Variants in NFIL3 observed in about 807,000 individuals in gnomAD.
NFIL3 encodes nuclear factor, interleukin 3 regulated, also known as nuclear factor interleukin-3-regulated protein.
In NFIL3, 5 loss-of-function variants were observed where a neutral mutation model predicts 10.0. The observed-to-expected ratio is 0.50, with a 90% CI of 0.26 to 1.06. NFIL3 has a LOEUF of 1.06. Ranked by LOEUF, NFIL3 falls within the 50% of genes least tolerant of loss-of-function variation. NFIL3 has a pLI of 0.13. For missense variants in NFIL3, 436 were observed against 547.6 expected, an observed-to-expected ratio of 0.80 and a Z score of 2.03; for synonymous variants, 202 against 206.5, an observed-to-expected ratio of 0.98 and a Z score of 0.19.
At chr9:91,475,487 C>A in the NFIL3 span, among the ~76,000 whole-genome samples, 3 of 152,010 alleles carry the variant, frequency 2.0e-5, no homozygotes, top group South Asian at 2.1e-4. Context: ...AATATTATAA[C>A]CTACAAGATG....
chr9:91,434,354 G>A, the NFIL3 span, among the ~76,000 whole-genome samples: 3 of 152,016 alleles, frequency 2.0e-5, no homozygotes, highest in African/African-American at 7.3e-5. Context: ...AGATTGCATG[G>A]GAGTAGAAAA....
chr9:91,451,559 T>C, the NFIL3 span, among the ~76,000 whole-genome samples: 6 of 152,312 alleles, frequency 3.9e-5, no homozygotes, highest in East Asian at 1.2e-3. Flanking sequence ...ATGCCAAGAA[T>C]ACAAGATCCT....
At chr9:91,464,695 A>G in the NFIL3 span, among the ~76,000 whole-genome samples, 1 of 152,058 alleles carries the variant, frequency 6.6e-6, no homozygotes, top group Non-Finnish European at 1.5e-5. Context: ...GGCAGGGCCA[A>G]TTTGCTGGTG....
chr9:91,467,158 T>G, the NFIL3 span, among the ~76,000 whole-genome samples: 1 of 151,944 alleles, frequency 6.6e-6, no homozygotes, highest in Non-Finnish European at 1.5e-5. Flanking sequence ...CTCTCTGTCT[T>G]TATACACATA....
the NFIL3 span, among the ~76,000 whole-genome samples, chr9:91,441,106 A>G: frequency 6.6e-6 from 1 of 152,142 alleles, no homozygotes; most frequent in Admixed American, 6.5e-5. Context: ...TGAGGTATCA[A>G]AATGGTCTAC....
chr9:91,464,501 G>T, the NFIL3 span, among the ~76,000 whole-genome samples: 2 of 151,908 alleles, frequency 1.3e-5, no homozygotes, highest in Non-Finnish European at 2.9e-5. Flanking sequence ...TGCCATAATA[G>T]CCCCATACAA....
At position 91,409,314 on chromosome 9, in the gene NFIL3, T is replaced by C; in HGVS notation, c.*32A>G. ...GACTGCTCTATTGCAAATGACATCT[T>C]TCTAAATGCCCAGCTCTTACTCAGT... is the stretch of plus-strand genomic sequence containing the variant. On this transcript the variant is annotated 3_prime_UTR_variant, in exon 2 of 2. Coordinates refer to ENST00000297689, the MANE Select transcript of NFIL3 (RefSeq NM_005384.3). The C allele has an allele frequency of 6.6e-7, 1 of 1,522,910 alleles. No homozygotes were observed. The highest frequency in any genetic ancestry group is 8.8e-7 in the Non-Finnish European group (1 of 1,137,838). 94.3% of individuals were successfully genotyped at this position (1,522,910 alleles called of 1,614,324 possible). A position where few individuals can be genotyped will look rare whatever the true frequency, so the allele number is the denominator to read the frequency against.
chr9:91,415,588 C>G (rs535687587), intron 1 of NFIL3, among the ~76,000 whole-genome samples: 2 of 151,394 alleles, frequency 1.3e-5, no homozygotes, highest in African/African-American at 4.9e-5. Flanking sequence ...TTACTTTGGG[C>G]GCAGTAAGGC....
chr9:91,411,070 T>C (rs562007511), intron 1 of NFIL3, among the ~76,000 whole-genome samples, 164 bp from the exon 2 acceptor site: 2 of 152,348 alleles, frequency 1.3e-5, no homozygotes, highest in East Asian at 3.9e-4. Context: ...AGGAAATAAG[T>C]TCCCAAATAC....
At chr9:91,464,782 A>G in the NFIL3 span, among the ~76,000 whole-genome samples, 1 of 152,064 alleles carries the variant, frequency 6.6e-6, no homozygotes, top group Admixed American at 6.6e-5. Context: ...TTCTGCATAT[A>G]AAAGTCTAGG....
the NFIL3 span, among the ~76,000 whole-genome samples, chr9:91,464,584 G>T: frequency 6.6e-6 from 1 of 151,744 alleles, no homozygotes; most frequent in South Asian, 2.1e-4. Flanking sequence ...GTTTTATTTT[G>T]CCTTCATTCA....
chr9:91,424,696 T>C (rs1033834360), upstream of NFIL3, among the ~76,000 whole-genome samples: 1 of 152,196 alleles, frequency 6.6e-6, no homozygotes, highest in African/African-American at 2.4e-5. Flanking sequence ...GAGGTCCATC[T>C]ACCCACCCCC....
intron 1 of NFIL3, among the ~76,000 whole-genome samples, chr9:91,421,392 G>A (rs2118031949): frequency 1.3e-5 from 2 of 152,018 alleles, no homozygotes; most frequent in Middle Eastern, 6.8e-3. Flanking sequence ...CCGGGTGGGC[G>A]GCGCAGCGGG....
the NFIL3 span, among the ~76,000 whole-genome samples, chr9:91,455,708 G>A: frequency 5.9e-5 from 9 of 152,162 alleles, no homozygotes; most frequent in South Asian, 2.1e-4. Flanking sequence ...GGTACAATCC[G>A]GCACATTTTG....
the NFIL3 span, among the ~76,000 whole-genome samples, chr9:91,452,954 CA>C: frequency 6.6e-6 from 1 of 151,966 alleles, no homozygotes; most frequent in Non-Finnish European, 1.5e-5. Context: ...GCTGTAAGAA[CA>C]AAAGCTGGAA....
At chr9:91,440,701 A>C in the NFIL3 span, among the ~76,000 whole-genome samples, 1 of 151,912 alleles carries the variant, frequency 6.6e-6, no homozygotes, top group East Asian at 1.9e-4. Flanking sequence ...AGTATGTTTC[A>C]TTTCCATTGT....
chr9:91,454,984 A>G, the NFIL3 span, among the ~76,000 whole-genome samples: 10 of 152,214 alleles, frequency 6.6e-5, no homozygotes, highest in Non-Finnish European at 1.3e-4. Context: ...TAGGGACATC[A>G]TGGTGAACAC....
the NFIL3 span, among the ~76,000 whole-genome samples, chr9:91,470,272 G>A: frequency 6.6e-6 from 1 of 151,732 alleles, no homozygotes; most frequent in Non-Finnish European, 1.5e-5. Flanking sequence ...GGGTGTATGT[G>A]TCCAGGAATT....
At chr9:91,469,017 C>T in the NFIL3 span, among the ~76,000 whole-genome samples, 1 of 152,146 alleles carries the variant, frequency 6.6e-6, no homozygotes, top group East Asian at 1.9e-4. Flanking sequence ...GCAATGTGGG[C>T]TCTTTTTTGG....
Sources: gnomAD v4.1 joint callset for allele counts (sites outside exome capture counted in the v4.1 genomes callset) on GRCh38, gnomAD v4.1.1 for gene constraint, MANE v1.5 for transcripts, NCBI Gene and HGNC (gene_info 2026-07-23, HGNC 2026-07-21) for gene names.